The following MTMR3 variants were observed in gnomAD, a reference collection of about 807,000 sequenced individuals.
MTMR3 encodes the protein myotubularin related protein 3.
A neutral mutation model predicts 132.4 loss-of-function variants in MTMR3; 32 were observed. The observed-to-expected ratio is 0.24, with a 90% CI of 0.18 to 0.32. MTMR3 has a LOEUF of 0.32. Among genes scored for constraint, MTMR3 ranks in the 10% least tolerant of loss-of-function variants. The probability of loss-of-function intolerance (pLI) is 1.00; values close to 1 mark genes in which losing one functional copy is unlikely to be tolerated. For missense variants in MTMR3, 1,216 were observed against 1,489.6 expected, an observed-to-expected ratio of 0.82 and a Z score of 3.02; for synonymous variants, 556 against 550.3, an observed-to-expected ratio of 1.01 and a Z score of -0.14.
intron 9 of MTMR3, 104 bp from the exon 10 acceptor site, chr22:30,007,010 C>A: frequency 8.2e-7 from 1 of 1,218,386 alleles, no homozygotes; most frequent in Non-Finnish European, 1.2e-6. Context: ...TGACCCAACA[C>A]TTACCTAGAA....
At chr22:29,895,201 C>T (rs182473814) in intron 1 of MTMR3, among the ~76,000 whole-genome samples, 1 of 150,222 alleles carries the variant, frequency 6.7e-6, no homozygotes, top group East Asian at 1.9e-4. Flanking sequence ...GAGGGAGACT[C>T]CATCTCAAAA....
chr22:29,931,016 A>G (rs75590718), intron 1 of MTMR3, among the ~76,000 whole-genome samples: 59 of 151,642 alleles, frequency 3.9e-4, no homozygotes, highest in African/African-American at 1.3e-3. Flanking sequence ...CTCAAAAGAA[A>G]AAAAAAAAAA....
intron 1 of MTMR3, among the ~76,000 whole-genome samples, chr22:29,943,318 G>C (rs1203533704): frequency 6.6e-6 from 1 of 151,706 alleles, no homozygotes; most frequent in Non-Finnish European, 1.5e-5. Flanking sequence ...TCAGCCTCCT[G>C]AGTAGCTGGG....
chr22:29,991,294 G>C (rs1205944315), intron 6 of MTMR3: 1 of 414,532 alleles, frequency 2.4e-6, no homozygotes, highest in Non-Finnish European at 4.2e-6. Context: ...CCAATGGTCA[G>C]CTTCCTCCTT....
intron 5 of MTMR3, chr22:29,979,617 G>A (rs1013101935): frequency 1.9e-5 from 3 of 157,420 alleles, no homozygotes; most frequent in African/African-American, 7.2e-5. Flanking sequence ...TGAATGATTT[G>A]CATTAGGTAA....
At position 29,906,451 on chromosome 22, in the gene MTMR3, C is replaced by T. The variant is rs370559970; in HGVS notation, c.-138+23092C>T. ...TCAAGCAATTCTCCTGCCTCAGCCT[C>T]CCTAGTAGCTGGGATTACAGGCGTG... On this transcript the variant is annotated intron_variant, in intron 1 of 19. Transcript: ENST00000401950. Among the ~76,000 whole-genome samples, 30 of 152,056 alleles carry T rather than the reference C, an allele frequency of 2.0e-4. No individual in the cohort carries two copies. In the East Asian group the frequency reaches 2.9e-3, roughly 15 times the overall value.
intron 1 of MTMR3, among the ~76,000 whole-genome samples, chr22:29,908,982 C>CTT (rs67722380): frequency 0.058 from 8,092 of 139,646 alleles, 411 homozygotes; most frequent in South Asian, 0.19. Context: ...CTTTTCTTTT[C>CTT]TTTTTTTTTT....
chr22:29,962,228 A>T (rs1236573392), intron 2 of MTMR3, among the ~76,000 whole-genome samples: 1 of 152,172 alleles, frequency 6.6e-6, no homozygotes, highest in Non-Finnish European at 1.5e-5. Flanking sequence ...AATTTTTTTT[A>T]AATAAGTTTA....
chr22:30,017,573 C>T (rs2067627020), intron 15 of MTMR3: 1 of 208,994 alleles, frequency 4.8e-6, no homozygotes, highest in Admixed American at 6.2e-5. Context: ...GGACAATCAC[C>T]ATCTAACAGA....
chr22:29,955,813 G>T (rs540234542), intron 1 of MTMR3, among the ~76,000 whole-genome samples: 2 of 152,126 alleles, frequency 1.3e-5, no homozygotes, highest in African/African-American at 4.8e-5. Flanking sequence ...GCGCAGTGGC[G>T]CAATCTCAGC....
intron 2 of MTMR3, among the ~76,000 whole-genome samples, chr22:29,960,963 C>G (rs943318933): frequency 1.3e-5 from 2 of 152,204 alleles, no homozygotes; most frequent in Non-Finnish European, 2.9e-5. Context: ...TGCTCCCACT[C>G]TCTTCCCTAG....
Position 30,007,237 on chromosome 22 carries a change from C to T in MTMR3, c.795C>T (p.Ser265=), listed in dbSNP as rs2067290808. The change falls in exon 10 of 20, where the codon TCC becomes TCT. Residue 265 remains serine, a synonymous_variant. Coordinates refer to ENST00000401950, the MANE Select transcript of MTMR3 (RefSeq NM_021090.4). ...QSVAKACASD[S]RSSGSKLSTR... is the part of the protein sequence containing the mutation. Reference sequence around the variant, plus strand: ...TAGCCAAAGCTTGTGCCTCTGACTCCCGATCGAGTGGCAGCAAGCTGTCAA... The same window carrying T: ...TAGCCAAAGCTTGTGCCTCTGACTCTCGATCGAGTGGCAGCAAGCTGTCAA... 1 of 1,614,062 alleles carries T rather than the reference C, an allele frequency of 6.2e-7. No individual in the cohort carries two copies. The highest frequency in any genetic ancestry group is 8.5e-7 in the Non-Finnish European group (1 of 1,180,038).
At chr22:29,944,198 T>G (rs1163785439) in intron 1 of MTMR3, among the ~76,000 whole-genome samples, 2 of 151,854 alleles carry the variant, frequency 1.3e-5, no homozygotes, top group African/African-American at 4.8e-5. Context: ...TGGTTCCTTT[T>G]GAGACATTAA....
intron 1 of MTMR3, among the ~76,000 whole-genome samples, chr22:29,893,369 A>G (rs1037776699): frequency 6.6e-6 from 1 of 152,128 alleles, no homozygotes; most frequent in Non-Finnish European, 1.5e-5. Flanking sequence ...AAGACTGTAT[A>G]TTTGTATGTA....
At chr22:29,996,696 C>T (rs1272626474) in intron 7 of MTMR3, 1 of 152,024 alleles carries the variant, frequency 6.6e-6, no homozygotes, top group African/African-American at 2.4e-5. Context: ...TTAAAGACTC[C>T]TTGTCTGTTT....
At position 29,960,098 on chromosome 22, in the gene MTMR3, T is replaced by A. The variant is rs187619462; in HGVS notation, c.-85+3010T>A. ...TTATCTGAAGAAGCATGATCTAGGT[T>A]TGAAGAGAAAGATGTAAATGTATTT... On this transcript the variant is annotated intron_variant, in intron 2 of 19. Coordinates refer to ENST00000401950, the MANE Select transcript of MTMR3 (RefSeq NM_021090.4). 2.0e-5 allele frequency among the ~76,000 whole-genome samples: 3 copies of A among 152,192 alleles called. No homozygotes were observed. In the East Asian group the frequency reaches 5.8e-4, roughly 29 times the overall value.
chr22:29,989,729 C>T (rs2066923284), intron 6 of MTMR3: 1 of 152,106 alleles, frequency 6.6e-6, no homozygotes, highest in Non-Finnish European at 1.5e-5. Context: ...TCTGGAAGTA[C>T]AGTGTCCACA....
intron 3 of MTMR3, among the ~76,000 whole-genome samples, chr22:29,972,964 C>T (rs2066564827): frequency 6.6e-6 from 1 of 152,214 alleles, no homozygotes; most frequent in South Asian, 2.1e-4. Flanking sequence ...GCTTATTTCA[C>T]TTAATGAATT....
intron 1 of MTMR3, among the ~76,000 whole-genome samples, chr22:29,933,156 G>T (rs2065678255): frequency 6.6e-6 from 1 of 152,002 alleles, no homozygotes; most frequent in Non-Finnish European, 1.5e-5. Flanking sequence ...TTTTAGTAGA[G>T]ATGGGGTTTC....
Sources: allele counts gnomAD v4.1 joint callset (sites outside exome capture counted in the v4.1 genomes callset), GRCh38; gene constraint gnomAD v4.1.1; transcripts MANE v1.5; gene names NCBI Gene and HGNC (gene_info 2026-07-23, HGNC 2026-07-21).